CALN1: variants seen among roughly 807,000 people sequenced by gnomAD.
CALN1 encodes calneuron 1, also known as calcium-binding protein 8.
CALN1 carries 17 observed loss-of-function variants against 30.6 expected under a neutral mutation model. The ratio of observed to expected loss-of-function variants is 0.56; its 90% CI spans 0.38 to 0.83. The LOEUF is 0.83. Ranked by LOEUF, CALN1 falls within the 40% of genes least tolerant of loss-of-function variation. The probability of loss-of-function intolerance (pLI) is 0.00; values close to 1 mark genes in which losing one functional copy is unlikely to be tolerated. For missense variants in CALN1, 291 were observed against 354.9 expected (o/e 0.82, Z 1.45); for synonymous variants, 156 against 131.4 (o/e 1.19, Z -1.28).
chr7:72,177,545 A>G (rs1789446232), intron 3 of CALN1, among the ~76,000 whole-genome samples: 1 of 152,102 alleles, frequency 6.6e-6, no homozygotes, highest in African/African-American at 2.4e-5. Flanking sequence ...AGGGCGGATC[A>G]CTTGAAGTCA....
intron 5 of CALN1, among the ~76,000 whole-genome samples, chr7:71,927,413 T>A (rs1795325391): frequency 6.6e-6 from 1 of 152,192 alleles, no homozygotes; most frequent in Non-Finnish European, 1.5e-5. Flanking sequence ...TTTCACCATG[T>A]TGGCCAGGCT....
intron 4 of CALN1, among the ~76,000 whole-genome samples, chr7:72,090,353 G>A (rs189469471): frequency 8.5e-5 from 13 of 152,106 alleles, no homozygotes; most frequent in East Asian, 1.9e-4. Flanking sequence ...CCAGTGACTC[G>A]GAAATTAAAT....
At chr7:71,924,055 T>C (rs1247973790) in intron 5 of CALN1, among the ~76,000 whole-genome samples, 5 of 152,028 alleles carry the variant, frequency 3.3e-5, no homozygotes, top group Non-Finnish European at 5.9e-5. Context: ...TAGCCAGGCA[T>C]GGTGGCGGCC....
At position 71,991,083 on chromosome 7, in the gene CALN1, GAAGT is replaced by G. The variant is rs555586166; in HGVS notation, c.501+32570_501+32573del. ...TCGACAAATATGAAGGAAGAGAACA[GAAGT>G]AAGAATTCGATGTGTTGCACAGGAG... On this transcript the variant is annotated intron_variant, in intron 5 of 6. Transcript: ENST00000395275. 6.6e-5 allele frequency among the ~76,000 whole-genome samples: 10 copies of G among 152,116 alleles called. No homozygotes were observed. In the South Asian group the frequency reaches 2.1e-3, roughly 32 times the overall value.
At chr7:72,148,202 T>C (rs1230206063) in intron 3 of CALN1, among the ~76,000 whole-genome samples, 4 of 150,852 alleles carry the variant, frequency 2.7e-5, no homozygotes, top group Non-Finnish European at 5.9e-5. Context: ...TAGATGATGT[T>C]TGGATCGTGA....
At chr7:72,371,723 T>A (rs1949395) in intron 2 of CALN1, among the ~76,000 whole-genome samples, 86,827 of 152,142 alleles carry the variant, frequency 0.57, 25,001 homozygotes, top group East Asian at 0.73. Context: ...TCCATATGGA[T>A]AACTAATAGT....
chr7:72,372,384 A>G (rs1436577653), intron 2 of CALN1, among the ~76,000 whole-genome samples: 1 of 152,160 alleles, frequency 6.6e-6, no homozygotes, highest in African/African-American at 2.4e-5. Flanking sequence ...CTGTAGTTGC[A>G]GAAAGCATGC....
At chr7:71,937,664 G>C (rs116519781) in intron 5 of CALN1, among the ~76,000 whole-genome samples, 9,664 of 151,746 alleles carry the variant, frequency 0.064, 658 homozygotes, top group East Asian at 0.21. Context: ...TGTTTTTGTA[G>C]AGATAGGGTC....
chr7:72,341,277 C>T (rs1433488807), intron 2 of CALN1, among the ~76,000 whole-genome samples: 1 of 152,202 alleles, frequency 6.6e-6, no homozygotes, highest in African/African-American at 2.4e-5. Flanking sequence ...AATCCCAGCA[C>T]TTTGGGAAGC....
At chr7:72,253,283 T>C (rs1000664708) in intron 3 of CALN1, among the ~76,000 whole-genome samples, 2 of 152,260 alleles carry the variant, frequency 1.3e-5, no homozygotes, top group African/African-American at 4.8e-5. Flanking sequence ...TATGAGTTTA[T>C]TTCTCATTTA....
intron 2 of CALN1, among the ~76,000 whole-genome samples, chr7:72,354,892 T>C (rs1803136071): frequency 6.8e-6 from 1 of 148,132 alleles, no homozygotes; most frequent in Non-Finnish European, 1.5e-5. Context: ...AAAATTTCTT[T>C]TTTTTTTTCT....
intron 2 of CALN1, among the ~76,000 whole-genome samples, chr7:72,321,575 TG>T (rs1800884730): frequency 6.6e-6 from 1 of 152,216 alleles, no homozygotes; most frequent in Non-Finnish European, 1.5e-5. Context: ...GGAAACAAGC[TG>T]TTGAACATCT....
intron 5 of CALN1, among the ~76,000 whole-genome samples, chr7:71,847,822 G>T (rs1790395751): frequency 9.9e-6 from 1 of 100,778 alleles, no homozygotes; most frequent in Admixed American, 1.1e-4. Flanking sequence ...AGAAGGAGAA[G>T]GAGAAGGAGA....
chr7:72,435,154 G>A (rs1310084903), intron 1 of CALN1, among the ~76,000 whole-genome samples: 1 of 151,834 alleles, frequency 6.6e-6, no homozygotes, highest in African/African-American at 2.4e-5. Context: ...AGGATCACTT[G>A]AGCCTAGGAA....
chr7:72,040,611 G>T lies in CALN1; in HGVS notation c.389-16842C>A, dbSNP rs148322535. 1.8e-3 allele frequency among the ~76,000 whole-genome samples: 270 copies of T among 152,310 alleles called. 2 individuals carry two copies. The highest frequency in any genetic ancestry group is 6.0e-3 in the African/African-American group (251 of 41,572). On this transcript the variant is annotated intron_variant, in intron 4 of 6. Transcript: ENST00000395275. ...ATTTGGAGACAAGGCCTTTAAGGAA[G>T]AAATTAAGGTTAAATTGTCTCATAA...
intron 2 of CALN1, among the ~76,000 whole-genome samples, chr7:72,383,275 A>G (rs1270396597): frequency 6.6e-6 from 1 of 152,176 alleles, no homozygotes; most frequent in Non-Finnish European, 1.5e-5. Flanking sequence ...TTGGGTCTAT[A>G]TTCTGTAATG....
intron 3 of CALN1, among the ~76,000 whole-genome samples, chr7:72,171,855 C>A (rs1201143157): frequency 6.6e-6 from 1 of 152,104 alleles, no homozygotes. Flanking sequence ...CACAGGTCCA[C>A]ACACACACCC....
chr7:72,161,865 A>C (rs1238634312), intron 3 of CALN1, among the ~76,000 whole-genome samples: 1 of 152,010 alleles, frequency 6.6e-6, no homozygotes, highest in Admixed American at 6.6e-5. Context: ...ACACATGCTC[A>C]CCTACGTAAC....
chr7:71,830,012 T>C (rs1387054167), intron 5 of CALN1, among the ~76,000 whole-genome samples: 8 of 151,296 alleles, frequency 5.3e-5, no homozygotes, highest in Non-Finnish European at 1.2e-4. Flanking sequence ...TCTATGTGTG[T>C]ATGTGTGCAT....
Sources: gnomAD v4.1 joint callset for allele counts (sites outside exome capture counted in the v4.1 genomes callset) on GRCh38, gnomAD v4.1.1 for gene constraint, MANE v1.5 for transcripts, NCBI Gene and HGNC (gene_info 2026-07-23, HGNC 2026-07-21) for gene names.